HDAC9: variants seen among roughly 807,000 people sequenced by gnomAD.
The protein encoded by HDAC9 is MEF-2 interacting transcription repressor (MITR) protein.
HDAC9 carries 41 observed loss-of-function variants against 139.4 expected under a neutral mutation model. The ratio of observed to expected loss-of-function variants is 0.29; its 90% confidence interval spans 0.23 to 0.38. The LOEUF (loss-of-function observed/expected upper bound fraction) is 0.38, where lower values mean the gene tolerates loss of function less well. Among genes scored for constraint, HDAC9 ranks in the 10% least tolerant of loss-of-function variants. HDAC9 has a pLI of 1.00. For synonymous variants in HDAC9, 517 were observed against 476.2 expected (o/e 1.09, Z -1.12); for missense variants, 1,147 against 1,297.0 (o/e 0.88, Z 1.78).
intron 12 of HDAC9, among the ~76,000 whole-genome samples, chr7:18,682,123 A>T (rs1304473554): frequency 6.6e-6 from 1 of 152,058 alleles, no homozygotes; most frequent in Non-Finnish European, 1.5e-5. Context: ...TACATTCACA[A>T]TACAGACATT....
In HDAC9 at chr7:18,877,481, C is replaced by T. The variant is rs540056885; in HGVS notation, c.2803+2885C>T. 2.0e-5 allele frequency among the ~76,000 whole-genome samples: 3 copies of T among 152,214 alleles called. No homozygotes were observed. The South Asian group carries it at 6.2e-4, about 32-fold the overall frequency. The stretch of plus-strand genomic sequence containing the variant: ...CAAGATACACAACCAAGTTCTTCTC[C>T]CCGTGTTTTCCAATTCTAGCAAAAC... On this transcript the variant is annotated intron_variant, in intron 22 of 25. Transcript: ENST00000686413.
At chr7:18,684,728 G>T (rs1296301924) in intron 12 of HDAC9, among the ~76,000 whole-genome samples, 2 of 151,868 alleles carry the variant, frequency 1.3e-5, no homozygotes, top group African/African-American at 4.8e-5. Flanking sequence ...CCAAGAGACA[G>T]TTGGTTTATG....
chr7:18,857,435 C>T (rs1797775435), intron 21 of HDAC9, among the ~76,000 whole-genome samples: 1 of 151,042 alleles, frequency 6.6e-6, no homozygotes, highest in Non-Finnish European at 1.5e-5. Flanking sequence ...ATTTTGAAAG[C>T]CACTGTTTAA....
At chr7:18,316,632 C>G (rs1799659946) in intron 1 of HDAC9, among the ~76,000 whole-genome samples, 2 of 8,194 alleles carry the variant, frequency 2.4e-4, no homozygotes, top group East Asian at 0.012. Flanking sequence ...CCAGATCTCT[C>G]CAAAAAAAAA....
At position 18,149,017 on chromosome 7, in the gene HDAC9, A is replaced by C. The variant is rs182454484; in HGVS notation, c.-96-13212A>C. 2.6e-3 allele frequency among the ~76,000 whole-genome samples: 393 copies of C among 152,276 alleles called. 1 individual carries two copies. The highest frequency in any genetic ancestry group is 4.5e-3 in the Non-Finnish European group (308 of 68,022). ...CTTGACAGGATAGTTTTAAATTGCT[A>C]TTTTAAATGGTGTGTGCATTTATAC... On this transcript the variant is annotated intron_variant, in intron 1 of 12. Coordinates refer to the HDAC9 transcript ENST00000417496.
At chr7:18,277,277 G>T (rs992100051) in intron 2 of HDAC9, among the ~76,000 whole-genome samples, 2 of 152,152 alleles carry the variant, frequency 1.3e-5, no homozygotes, top group Admixed American at 1.3e-4. Context: ...GGCTCTGCTT[G>T]GATGGAGGAC....
At chr7:18,134,847 A>T (rs910567529) in intron 1 of HDAC9, among the ~76,000 whole-genome samples, 3 of 152,146 alleles carry the variant, frequency 2.0e-5, no homozygotes, top group Non-Finnish European at 4.4e-5. Flanking sequence ...GCTATGCAAA[A>T]TTGTTTTCAA....
In HDAC9 at chr7:18,145,907, A is replaced by T. The variant is rs545669185; in HGVS notation, c.-96-16322A>T. 4.6e-5 allele frequency among the ~76,000 whole-genome samples: 7 copies of T among 152,258 alleles called. No individual in the cohort carries two copies. The South Asian group carries it at 6.2e-4, about 14-fold the overall frequency. ...GGAGAAATAGAGGTATCCCGAGAGG[A>T]GCAAATTTAGGGCAGAACAGAAAGA... is the stretch of plus-strand genomic sequence containing the variant. On this transcript the variant is annotated intron_variant, in intron 1 of 12. Transcript: ENST00000417496.
chr7:18,668,007 A>G (rs1478260765), intron 12 of HDAC9: 2 of 974,650 alleles, frequency 2.1e-6, no homozygotes, highest in Non-Finnish European at 2.4e-6. Flanking sequence ...TTCAAGGTGT[A>G]GTATCCTATT....
intron 1 of HDAC9, chr7:18,290,541 A>C (rs1797737984): frequency 8.8e-6 from 4 of 456,484 alleles, no homozygotes; most frequent in Middle Eastern, 3.2e-4. Context: ...TTAATCTTTT[A>C]AGAGAACTGT....
chr7:18,889,583 A>C (rs769623018), intron 22 of HDAC9, among the ~76,000 whole-genome samples: 3 of 152,238 alleles, frequency 2.0e-5, no homozygotes, highest in African/African-American at 7.2e-5. Flanking sequence ...TTGCTATAAA[A>C]AAAAGAAAAG....
intron 2 of HDAC9, among the ~76,000 whole-genome samples, chr7:18,183,148 T>G (rs1433541775): frequency 3.3e-5 from 5 of 152,094 alleles, no homozygotes; most frequent in Non-Finnish European, 7.4e-5. Flanking sequence ...TAGCTGGGAC[T>G]ACAGGTGCCT....
At chr7:18,773,402 CACACA>C (rs1790488610) in intron 16 of HDAC9, among the ~76,000 whole-genome samples, 1 of 143,860 alleles carries the variant, frequency 7.0e-6, no homozygotes, top group South Asian at 2.1e-4. Context: ...CACACACACA[CACACA>C]CACAAAAGCA....
chr7:18,934,025 TAC>T (rs1172672744), intron 22 of HDAC9, among the ~76,000 whole-genome samples: 1 of 152,114 alleles, frequency 6.6e-6, no homozygotes, highest in Non-Finnish European at 1.5e-5. Flanking sequence ...AGGAAATATT[TAC>T]AGACAATGTC....
chr7:18,429,785 C>T (rs902700124), intron 1 of HDAC9, among the ~76,000 whole-genome samples: 8 of 152,180 alleles, frequency 5.3e-5, no homozygotes, highest in Admixed American at 5.2e-4. Context: ...TTTAGATACA[C>T]TTCCATTGAG....
intron 1 of HDAC9, among the ~76,000 whole-genome samples, chr7:18,388,943 G>C (rs1046227521): frequency 2.6e-5 from 4 of 152,010 alleles, no homozygotes; most frequent in Non-Finnish European, 4.4e-5. Context: ...ATTTTTGTCT[G>C]AACTAACCTT....
intron 16 of HDAC9, among the ~76,000 whole-genome samples, chr7:18,786,827 C>T (rs1791856287): frequency 3.1e-5 from 1 of 32,530 alleles, no homozygotes; most frequent in Admixed American, 3.2e-4. Flanking sequence ...TTCATTCCTT[C>T]CTTCCTTCAT....
At chr7:18,927,624 C>T (rs1019660215) in intron 22 of HDAC9, among the ~76,000 whole-genome samples, 2 of 152,148 alleles carry the variant, frequency 1.3e-5, no homozygotes, top group African/African-American at 4.8e-5. Flanking sequence ...TGTGTGACTC[C>T]TTTGGTCCCT....
At chr7:18,922,083 T>TG (rs527469781) in intron 22 of HDAC9, among the ~76,000 whole-genome samples, 19,922 of 76,218 alleles carry the variant, frequency 0.26, 1,596 homozygotes, top group South Asian at 0.38. Context: ...TGTTGTGGGG[T>TG]GGGGGGAGGG....
Sources: allele counts gnomAD v4.1 joint callset (sites outside exome capture counted in the v4.1 genomes callset), GRCh38; gene constraint gnomAD v4.1.1; transcripts MANE v1.5; gene names NCBI Gene and HGNC (gene_info 2026-07-23, HGNC 2026-07-21).